Variants in ESYT2 observed in about 807,000 individuals in gnomAD.
ESYT2 encodes the protein extended synaptotagmin-2.
ESYT2 carries 54 observed loss-of-function variants against 107.2 expected under a neutral mutation model. That is an observed-to-expected ratio of 0.50 (90% CI 0.40 to 0.63). The LOEUF (loss-of-function observed/expected upper bound fraction) is 0.63. ESYT2 is among the 30% of genes least tolerant of loss of function. The pLI, the probability that ESYT2 is intolerant of heterozygous loss-of-function variation, is 0.00. For synonymous variants in ESYT2, 491 were observed against 434.1 expected, an observed-to-expected ratio of 1.13 and a Z score of -1.63; for missense variants, 1,020 against 1,094.5, an observed-to-expected ratio of 0.93 and a Z score of 0.96.
intron 6 of ESYT2, among the ~76,000 whole-genome samples, chr7:158,776,588 T>C (rs74647313): frequency 3.3e-5 from 5 of 152,328 alleles, no homozygotes; most frequent in Non-Finnish European, 7.3e-5. Context: ...GAAGTGAAGA[T>C]AGTTAGGACT....
chr7:158,748,363 G>T, intron 15 of ESYT2, 83 bp from the exon 16 acceptor site: 1 of 1,107,896 alleles, frequency 9.0e-7, no homozygotes, highest in Non-Finnish European at 1.3e-6. Context: ...AGCTTAGAAT[G>T]AAAAATAAAA....
In ESYT2 at chr7:158,764,820, C is replaced by T; in HGVS notation, c.958G>A (p.Asp320Asn). 1.2e-6 allele frequency: 2 copies of T among 1,614,110 alleles called. No homozygotes were observed. The highest frequency in any genetic ancestry group is 2.2e-5 in the East Asian group (1 of 44,876). Residue 320 changes from aspartate to asparagine, a missense_variant, in exon 9 of 23, where the codon GAT (aspartate) becomes AAT (asparagine). Asp to Asn is a conservative substitution (Grantham distance 23). Coordinates refer to ENST00000275418, the MANE Select transcript of ESYT2 (RefSeq NM_001367773.1). ...AGGTAAGTGTCTTTCCCCTGAAGAT[C>T]CTGAGCTTCAATAAAATGTATCCTT... ...VLRIHFIEAQ[D>N]LQGKDTYLKG...
At chr7:158,822,331 G>C (rs1840308716) in intron 1 of ESYT2, among the ~76,000 whole-genome samples, 1 of 152,160 alleles carries the variant, frequency 6.6e-6, no homozygotes, top group African/African-American at 2.4e-5. Flanking sequence ...CTGATACCTT[G>C]AATCACAGTT....
In ESYT2 at chr7:158,826,175, C is replaced by T. The variant is rs372052997; in HGVS notation, c.330+2914G>A. On this transcript the variant is annotated intron_variant, in intron 1 of 22. Coordinates refer to ENST00000275418, the MANE Select transcript of ESYT2 (RefSeq NM_001367773.1). Reference sequence around the variant, plus strand: ...TCAGGCACACTTCGAGACCATGCAACCTGCTGGTTTTATTATGAAAATAAA... The same window carrying T: ...TCAGGCACACTTCGAGACCATGCAATCTGCTGGTTTTATTATGAAAATAAA... Among the ~76,000 whole-genome samples the T allele has an allele frequency of 3.5e-4, 53 of 152,274 alleles. No individual in the cohort carries two copies. In the South Asian group the frequency reaches 0.01, roughly 30 times the overall value.
chr7:158,781,259 G>C (rs575550431), intron 6 of ESYT2, among the ~76,000 whole-genome samples: 3 of 151,580 alleles, frequency 2.0e-5, no homozygotes, highest in Admixed American at 6.6e-5. Flanking sequence ...ACCAGTGTGA[G>C]TGAACAAGTG....
intron 6 of ESYT2, among the ~76,000 whole-genome samples, chr7:158,782,893 T>G (rs1405264948): frequency 6.6e-6 from 1 of 151,710 alleles, no homozygotes; most frequent in Non-Finnish European, 1.5e-5. Context: ...AAAATGGGTG[T>G]GTGAGACAGG....
At position 158,781,913 on chromosome 7, in the gene ESYT2, GAAC is replaced by G. The variant is rs753421899; in HGVS notation, c.747+6088_747+6090del. ...CGAGAACAAGTGTGAGTGAACGACA[GAAC>G]AAAGTGTGAAAGGTATGAGTGTAAG... On this transcript the variant is annotated intron_variant, in intron 6 of 22. Transcript: ENST00000275418. 1.4e-4 allele frequency among the ~76,000 whole-genome samples: 21 copies of G among 150,958 alleles called. No homozygotes were observed. The East Asian group carries it at 2.5e-3, about 18-fold the overall frequency.
intron 13 of ESYT2, among the ~76,000 whole-genome samples, chr7:158,753,844 T>G (rs1587391476): frequency 6.6e-6 from 1 of 152,104 alleles, no homozygotes; most frequent in East Asian, 1.9e-4. Context: ...GGGGCTCATA[T>G]ACAATGAGGA....
intron 16 of ESYT2, 90 bp from the exon 17 acceptor site, chr7:158,743,768 C>G (rs776196634): frequency 1.4e-6 from 2 of 1,401,182 alleles, no homozygotes; most frequent in Non-Finnish European, 9.4e-7. Context: ...CCTTTGTCCT[C>G]AGAGATAGGA....
chr7:158,787,043 A>T (rs1839137550), intron 6 of ESYT2, among the ~76,000 whole-genome samples: 1 of 152,170 alleles, frequency 6.6e-6, no homozygotes, highest in Non-Finnish European at 1.5e-5. Context: ...AGACAACCAT[A>T]TGGGCAGTGT....
At chr7:158,752,698 T>C in intron 14 of ESYT2, 83 bp downstream of exon 14, 1 of 935,942 alleles carries the variant, frequency 1.1e-6, no homozygotes, top group Non-Finnish European at 1.5e-6. Flanking sequence ...GGGAGGTAAT[T>C]TGCCAATAAA....
intron 7 of ESYT2, among the ~76,000 whole-genome samples, chr7:158,769,809 A>T (rs1388267941): frequency 2.0e-5 from 3 of 152,142 alleles, no homozygotes; most frequent in East Asian, 3.8e-4. Flanking sequence ...TTACTCTATA[A>T]TGTCTGGGGT....
Position 158,761,522 on chromosome 7 carries a change from C to A in ESYT2, c.1207G>T (p.Val403Phe). The change falls in exon 11 of 23, where the codon GTT (valine) becomes TTT (phenylalanine). Residue 403 changes from valine (V) to phenylalanine (F), a missense_variant. Val to Phe is a conservative substitution (Grantham distance 50). Coordinates refer to ENST00000275418, the MANE Select transcript of ESYT2 (RefSeq NM_001367773.1). ...TCATCTAAAAGGCGCTCCTTTTCAA[C>A]TTCAATGAGGTCAATCATAAGACTA... is the stretch of plus-strand genomic sequence containing the variant. The part of the protein sequence containing the change: ...LGSLMIDLIE[V>F]EKERLLDEWF... 6.2e-7 allele frequency: 1 copy of A among 1,614,070 alleles called. No homozygotes were observed. The highest frequency in any genetic ancestry group is 8.5e-7 in the Non-Finnish European group (1 of 1,179,972).
At chr7:158,802,214 T>C (rs1839666368) in intron 1 of ESYT2, among the ~76,000 whole-genome samples, 1 of 152,250 alleles carries the variant, frequency 6.6e-6, no homozygotes. Context: ...AACATTCCCC[T>C]TGAAGACCAG....
At chr7:158,739,162 T>C (rs746906428) in intron 18 of ESYT2, 41 bp from the exon 19 acceptor site, 126 of 1,554,342 alleles carry the variant, frequency 8.1e-5, no homozygotes, top group Middle Eastern at 5.0e-4. Context: ...TGCCTGAGAC[T>C]GGAGAACGTT....
chr7:158,810,849 T>C (rs778820330), intron 1 of ESYT2, among the ~76,000 whole-genome samples: 1 of 151,532 alleles, frequency 6.6e-6, no homozygotes, highest in African/African-American at 2.4e-5. Flanking sequence ...GGCTGATGGG[T>C]ATAGGGTTTC....
intron 13 of ESYT2, among the ~76,000 whole-genome samples, chr7:158,755,401 G>T (rs1837718536): frequency 6.6e-6 from 1 of 152,202 alleles, no homozygotes; most frequent in South Asian, 2.1e-4. Context: ...GGATAATGCT[G>T]CAGGAAAGCT....
intron 7 of ESYT2, among the ~76,000 whole-genome samples, chr7:158,770,189 C>T (rs1396412756): frequency 6.6e-6 from 1 of 152,070 alleles, no homozygotes; most frequent in Non-Finnish European, 1.5e-5. Context: ...CCGCGTTCAG[C>T]CTCATAGTTA....
chr7:158,794,848 C>T (rs1329724640), intron 3 of ESYT2, among the ~76,000 whole-genome samples: 3 of 152,214 alleles, frequency 2.0e-5, no homozygotes, highest in African/African-American at 7.2e-5. Flanking sequence ...ATTAAAATCA[C>T]ACCTCTCAAC....
Sources: allele counts gnomAD v4.1 joint callset (sites outside exome capture counted in the v4.1 genomes callset), GRCh38; gene constraint gnomAD v4.1.1; transcripts MANE v1.5; gene names NCBI Gene and HGNC (gene_info 2026-07-23, HGNC 2026-07-21).